Variants in SRP54 observed in about 807,000 individuals in gnomAD.
The protein encoded by SRP54 is signal recognition particle 54, also known as signal recognition particle subunit SRP54.
Under a neutral mutation model 64.8 loss-of-function variants are expected in SRP54, and 10 were observed. The observed-to-expected ratio is 0.15, with a 90% confidence interval of 0.10 to 0.26. The LOEUF is 0.26. SRP54 is among the 10% of genes least tolerant of loss of function. The pLI is 1.00. For missense variants in SRP54, 325 were observed against 613.7 expected (o/e 0.53, Z 4.97); for synonymous variants, 193 against 185.6 (o/e 1.04, Z -0.32).
intron 2 of SRP54, chr14:34,997,032 C>A: frequency 2.6e-6 from 1 of 387,414 alleles, no homozygotes; most frequent in Non-Finnish European, 4.6e-6. Context: ...CCTTAACTTA[C>A]ATGTAAAAAT....
chr14:34,995,575 A>G lies in SRP54; in HGVS notation c.-33-1102A>G, dbSNP rs2044059998. On this transcript the variant is annotated intron_variant, in intron 1 of 15. Transcript: ENST00000216774. ...TACAAATCATATTTGCTTGTTTATC[A>G]TCCATAAGCCCTTGCATCCTTACAA... is the stretch of plus-strand genomic sequence containing the variant. 2.0e-5 allele frequency among the ~76,000 whole-genome samples: 3 copies of G among 152,140 alleles called. 1 individual carries two copies. In the South Asian group the frequency reaches 6.2e-4, roughly 32 times the overall value.
intron 11 of SRP54, among the ~76,000 whole-genome samples, chr14:35,016,840 C>CTTTCTTTTTT (rs2044447775): frequency 1.4e-5 from 1 of 71,614 alleles, no homozygotes; most frequent in Non-Finnish European, 3.0e-5. Flanking sequence ...CCTTTTTTTT[C>CTTTCTTTTTT]TTTTCTTTTT....
At chr14:35,013,990 A>G (rs1458917093) in intron 10 of SRP54, 88 bp downstream of exon 10, 1 of 921,714 alleles carries the variant, frequency 1.1e-6, no homozygotes, top group Non-Finnish European at 1.7e-6. Flanking sequence ...TGTCCTCACT[A>G]ATTTAAGCAC....
chr14:35,023,972 C>G (rs1395475126), intron 14 of SRP54, among the ~76,000 whole-genome samples: 1 of 152,038 alleles, frequency 6.6e-6, no homozygotes, highest in Non-Finnish European at 1.5e-5. Flanking sequence ...CTGTTTTGAT[C>G]AGAAACATAG....
intron 11 of SRP54, among the ~76,000 whole-genome samples, chr14:35,016,397 G>T (rs932042299): frequency 3.3e-5 from 5 of 152,188 alleles, no homozygotes; most frequent in African/African-American, 9.6e-5. Flanking sequence ...TTAGTATTCT[G>T]TGTGCCAGCT....
chr14:35,003,232 A>T (rs1031121940), intron 4 of SRP54, among the ~76,000 whole-genome samples: 1 of 152,162 alleles, frequency 6.6e-6, no homozygotes, highest in Non-Finnish European at 1.5e-5. Flanking sequence ...TGTACAAAGC[A>T]AGGTCAAAAT....
intron 2 of SRP54, among the ~76,000 whole-genome samples, chr14:34,999,113 C>G (rs1427071903): frequency 6.7e-6 from 1 of 148,278 alleles, no homozygotes; most frequent in East Asian, 2.1e-4. Context: ...CTCCCGAGTT[C>G]AAGTGATTCT....
chr14:35,020,374 T>A (rs546218654), intron 13 of SRP54, among the ~76,000 whole-genome samples: 135 of 152,286 alleles, frequency 8.9e-4, no homozygotes, highest in Non-Finnish European at 1.6e-3. Context: ...GAATGAAATT[T>A]GCCCCATTGA....
Position 34,999,795 on chromosome 14 carries a change from C to T in SRP54, c.170+146C>T, listed in dbSNP as rs538127155. ...GCTGTGTTGGAGCTCATATGTTGGGCGAGAGCATGTGTAGTACGTTTCCAT... is the reference window on the plus strand; with the variant it reads ...GCTGTGTTGGAGCTCATATGTTGGGTGAGAGCATGTGTAGTACGTTTCCAT... On this transcript the variant is annotated intron_variant, in intron 3 of 15. Transcript: ENST00000216774. 6.3e-5 allele frequency: 35 copies of T among 555,432 alleles called. 1 individual carries two copies. The South Asian group carries it at 6.8e-4, about 11-fold the overall frequency. 34.4% of individuals were successfully genotyped at this position (555,432 alleles called of 1,614,324 possible). A position where few individuals can be genotyped will look rare whatever the true frequency, so the allele number is the denominator to read the frequency against.
chr14:35,004,968 C>T, intron 4 of SRP54, among the ~76,000 whole-genome samples: 1 of 152,294 alleles, frequency 6.6e-6, no homozygotes, highest in Non-Finnish European at 1.5e-5. Context: ...CAGACTTTCT[C>T]TCAAAGGTTT....
chr14:35,010,169 C>T (rs905410846), intron 7 of SRP54, among the ~76,000 whole-genome samples: 5 of 151,564 alleles, frequency 3.3e-5, no homozygotes, highest in East Asian at 3.9e-4. Context: ...TTTTTTAGGC[C>T]GGGCACAGTG....
At chr14:34,992,610 C>T (rs12050402) in intron 1 of SRP54, among the ~76,000 whole-genome samples, 29,517 of 151,762 alleles carry the variant, frequency 0.19, 3,126 homozygotes, top group East Asian at 0.38. Flanking sequence ...GACATAAAGA[C>T]GAAAGTAGTA....
chr14:34,993,979 G>C (rs1024688095), intron 1 of SRP54, among the ~76,000 whole-genome samples: 1 of 150,546 alleles, frequency 6.6e-6, no homozygotes, highest in Non-Finnish European at 1.5e-5. Flanking sequence ...ACAGGCATGA[G>C]CCACCGCACC....
chr14:35,009,362 T>TTTTTTTTTTTTTTTTTTGAG (rs2044319154), intron 7 of SRP54, among the ~76,000 whole-genome samples: 5 of 146,040 alleles, frequency 3.4e-5, no homozygotes, highest in African/African-American at 7.4e-5. Flanking sequence ...ATGTTCTTAT[T>TTTTTTTTTTTTTTTTTTGAG]AAGTGTATTT....
Position 35,000,899 on chromosome 14 carries a change from C to T in SRP54, c.171-37C>T, listed in dbSNP as rs769147423. 11 of 1,205,134 alleles carry T rather than the reference C, an allele frequency of 9.1e-6. No homozygotes were observed. In the South Asian group the frequency reaches 1.7e-4, roughly 19 times the overall value. 74.7% of individuals were successfully genotyped at this position (1,205,134 alleles called of 1,614,324 possible). The stretch of plus-strand genomic sequence containing the variant: ...TTCTTAGAGTTTCTTAACTGATTTT[C>T]TCCTCCCCACCCCAATCACCAACCA... On this transcript the variant is annotated intron_variant, in intron 3 of 15. Transcript: ENST00000216774.
intron 1 of SRP54, among the ~76,000 whole-genome samples, chr14:34,990,962 G>T (rs2043966429): frequency 6.6e-6 from 1 of 151,954 alleles, no homozygotes; most frequent in African/African-American, 2.4e-5. Flanking sequence ...TTTCCCTAAG[G>T]CCTTAAATAC....
intron 1 of SRP54, among the ~76,000 whole-genome samples, chr14:34,988,699 C>T (rs891988105): frequency 4.7e-5 from 7 of 149,052 alleles, no homozygotes; most frequent in African/African-American, 1.7e-4. Flanking sequence ...AACACATATG[C>T]TGTGCAGAAT....
At chr14:35,021,977 G>A (rs994803697) in intron 13 of SRP54, among the ~76,000 whole-genome samples, 1 of 152,166 alleles carries the variant, frequency 6.6e-6, no homozygotes, top group South Asian at 2.1e-4. Context: ...TCAAACAACT[G>A]CGGGAATTAA....
At chr14:34,992,180 G>A (rs535130382) in intron 1 of SRP54, among the ~76,000 whole-genome samples, 19 of 152,228 alleles carry the variant, frequency 1.2e-4, no homozygotes, top group African/African-American at 4.1e-4. Context: ...TGATCCACCC[G>A]CCTTGGCCTC....
Sources: gnomAD v4.1 joint callset for allele counts (sites outside exome capture counted in the v4.1 genomes callset) on GRCh38, gnomAD v4.1.1 for gene constraint, MANE v1.5 for transcripts, NCBI Gene and HGNC (gene_info 2026-07-23, HGNC 2026-07-21) for gene names.